Variants in KRT8 observed in about 807,000 individuals in gnomAD.
KRT8 encodes the protein keratin 8.
In KRT8, 24 loss-of-function variants were observed where a neutral mutation model predicts 43.0. The ratio of observed to expected loss-of-function variants is 0.56; its 90% CI spans 0.40 to 0.78. The LOEUF (loss-of-function observed/expected upper bound fraction) is 0.78. Among genes scored for constraint, KRT8 ranks in the 30% least tolerant of loss-of-function variants. The probability of loss-of-function intolerance (pLI) is 0.00; values close to 1 mark genes in which losing one functional copy is unlikely to be tolerated. For missense variants in KRT8, 492 were observed against 638.4 expected, an observed-to-expected ratio of 0.77 and a Z score of 2.47; for synonymous variants, 214 against 261.2, an observed-to-expected ratio of 0.82 and a Z score of 1.74.
intron 2 of KRT8, among the ~76,000 whole-genome samples, chr12:52,918,026 A>G (rs139281460): frequency 1.2e-3 from 53 of 45,410 alleles, no homozygotes; most frequent in Middle Eastern, 0.017. Flanking sequence ...GAGAAGAAGA[A>G]GAGGAGGAGG....
chr12:52,936,038 G>T (rs1942164207), intron 2 of KRT8, among the ~76,000 whole-genome samples: 1 of 152,032 alleles, frequency 6.6e-6, no homozygotes. Flanking sequence ...TGGATCACGA[G>T]GTCAGGAGTT....
At chr12:52,907,360 C>G (rs143705803), upstream of KRT8, among the ~76,000 whole-genome samples, 134 of 152,214 alleles carry the variant, frequency 8.8e-4, no homozygotes, top group East Asian at 0.013. Context: ...GCTGGTCAGA[C>G]GGGTATGGCA....
At chr12:52,941,429 C>A (rs4919702) in intron 2 of KRT8, among the ~76,000 whole-genome samples, 4 of 150,320 alleles carry the variant, frequency 2.7e-5, no homozygotes, top group Non-Finnish European at 1.5e-5. Context: ...AGTGTTCTAT[C>A]TGCGAAATCT....
chr12:52,938,152 ATATATATATATATATATATT>A (rs1364393797), intron 2 of KRT8, among the ~76,000 whole-genome samples: 4 of 32,468 alleles, frequency 1.2e-4, no homozygotes, highest in East Asian at 1.2e-3. Flanking sequence ...ATATATATAT[ATATATATATATATATATATT>A]TTTTTTTTTT....
upstream of KRT8, chr12:52,906,851 A>G (rs1565720925): frequency 6.7e-6 from 3 of 444,472 alleles, no homozygotes; most frequent in Admixed American, 7.2e-5. Flanking sequence ...TCTAGGAGAG[A>G]CACCCAGGCT....
intron 2 of KRT8, among the ~76,000 whole-genome samples, chr12:52,943,061 C>T (rs1425373189): frequency 1.3e-5 from 2 of 152,124 alleles, no homozygotes; most frequent in Non-Finnish European, 2.9e-5. Context: ...TCCCTGGACT[C>T]ACCCAGGCAT....
chr12:52,918,180 G>GAAGAAGAAGAAGAAGAAGAAGAAGAA, intron 2 of KRT8, among the ~76,000 whole-genome samples: 8 of 73,818 alleles, frequency 1.1e-4, no homozygotes, highest in African/African-American at 1.8e-4. Flanking sequence ...AAGAGGAAGA[G>GAAGAAGAAGAAGAAGAAGAAGAAGAA]GAAGAAGAAG....
upstream of KRT8, among the ~76,000 whole-genome samples, chr12:52,905,558 G>C (rs1392719261): frequency 6.6e-6 from 1 of 152,164 alleles, no homozygotes; most frequent in Non-Finnish European, 1.5e-5. Flanking sequence ...CTGGATGACA[G>C]AACAGCTGGA....
exon 2 of KRT8, chr12:52,901,988 C>A: frequency 1.9e-6 from 3 of 1,604,098 alleles, no homozygotes; most frequent in Non-Finnish European, 1.7e-6. Context: ...AACATGTTGT[C>A]CATGTTGCTT....
intron 2 of KRT8, among the ~76,000 whole-genome samples, chr12:52,945,754 T>A (rs547685210): frequency 1.3e-5 from 2 of 151,336 alleles, no homozygotes; most frequent in African/African-American, 4.8e-5. Context: ...TCTTTCCGGA[T>A]TCCCCCCTGC....
intron 5 of KRT8, among the ~76,000 whole-genome samples, chr12:52,899,246 C>T (rs1941301095): frequency 6.6e-6 from 1 of 152,042 alleles, no homozygotes; most frequent in African/African-American, 2.4e-5. Context: ...ACCCAGGAGG[C>T]GGAGCTTGCA....
intron 2 of KRT8, among the ~76,000 whole-genome samples, chr12:52,933,530 T>C (rs909908789): frequency 4.6e-5 from 7 of 152,196 alleles, no homozygotes; most frequent in Non-Finnish European, 7.3e-5. Flanking sequence ...AATAAAAATC[T>C]CTAAGTTTTT....
intron 2 of KRT8, among the ~76,000 whole-genome samples, chr12:52,939,234 G>A (rs1942228245): frequency 1.3e-5 from 2 of 152,196 alleles, no homozygotes. Flanking sequence ...GGCCAGGCAT[G>A]GTGGTTCACG....
chr12:52,897,672 C>A (rs1941249220), intron 7 of KRT8, 54 bp from the exon 8 acceptor site: 1 of 1,596,806 alleles, frequency 6.3e-7, no homozygotes, highest in Non-Finnish European at 8.5e-7. Flanking sequence ...CCATGGCAGG[C>A]TCCATGCCCC....
chr12:52,902,840 T>A (rs1236343921), intron 1 of KRT8, among the ~76,000 whole-genome samples: 1 of 152,024 alleles, frequency 6.6e-6, no homozygotes. Flanking sequence ...ATTGAAACCC[T>A]GTCCCTACAA....
chr12:52,898,344 G>C, intron 7 of KRT8, 117 bp downstream of exon 7: 1 of 840,950 alleles, frequency 1.2e-6, no homozygotes, highest in Non-Finnish European at 2.0e-6. Flanking sequence ...ATTCTCCCAA[G>C]AACATGAGTG....
chr12:52,924,851 C>T (rs1367097833), intron 2 of KRT8, among the ~76,000 whole-genome samples: 1 of 152,168 alleles, frequency 6.6e-6, no homozygotes, highest in Admixed American at 6.5e-5. Context: ...GCGGCAACAG[C>T]CAACGCACAG....
chr12:52,938,908 C>T (rs994021138), intron 2 of KRT8, among the ~76,000 whole-genome samples: 5 of 151,958 alleles, frequency 3.3e-5, no homozygotes, highest in South Asian at 2.1e-4. Context: ...TGAGCCACCG[C>T]GCCTGGCCTA....
chr12:52,925,332 C>T (rs1941968195), intron 2 of KRT8, among the ~76,000 whole-genome samples: 1 of 152,106 alleles, frequency 6.6e-6, no homozygotes, highest in Non-Finnish European at 1.5e-5. Context: ...ATCTCTGGCT[C>T]CCAGGGGCTC....
Sources: allele counts gnomAD v4.1 joint callset (sites outside exome capture counted in the v4.1 genomes callset), GRCh38; gene constraint gnomAD v4.1.1; transcripts MANE v1.5; gene names NCBI Gene and HGNC (gene_info 2026-07-23, HGNC 2026-07-21).